STARD13: variants seen among roughly 807,000 people sequenced by gnomAD.
STARD13 encodes stAR-related lipid transfer protein 13.
Under a neutral mutation model 106.4 loss-of-function variants are expected in STARD13, and 62 were observed. The observed-to-expected ratio is 0.58, with a 90% CI of 0.48 to 0.72. The LOEUF is 0.72. Among genes scored for constraint, STARD13 ranks in the 30% least tolerant of loss-of-function variants. The pLI is 0.00. For missense variants in STARD13, 1,387 were observed against 1,424.0 expected (o/e 0.97, Z 0.42); for synonymous variants, 565 against 553.0 (o/e 1.02, Z -0.31).
In STARD13 at chr13:33,104,080, A is replaced by C. The variant is rs1392263265; in HGVS notation, c.*1513T>G. The stretch of plus-strand genomic sequence containing the variant: ...TACATAAATGCATATAATGCAAAAA[A>C]ACCTGAAAACACTCATTTGCTTTTC... On this transcript the variant is annotated 3_prime_UTR_variant, in exon 14 of 14. Transcript: ENST00000336934. 6.6e-6 allele frequency: 1 copy of C among 152,228 alleles called. No homozygotes were observed. Among genetic ancestry groups the C allele is most frequent in the African/African-American group, 2.4e-5 (1 of 41,464 alleles). The allele number at this position is 152,228 out of a possible 1,614,324, so 9.4% of individuals were successfully genotyped here.
At chr13:33,505,364 A>G in the STARD13 span, among the ~76,000 whole-genome samples, 80 of 152,314 alleles carry the variant, frequency 5.3e-4, 1 homozygote, top group African/African-American at 1.9e-3. Flanking sequence ...ATAATACAAT[A>G]AGTAATTAAA....
intron 1 of STARD13, among the ~76,000 whole-genome samples, chr13:33,234,197 C>A (rs1889073072): frequency 6.6e-6 from 1 of 152,186 alleles, no homozygotes; most frequent in East Asian, 1.9e-4. Context: ...CAAACAGATG[C>A]AGAACATCTA....
At chr13:33,604,454 A>G in the STARD13 span, among the ~76,000 whole-genome samples, 1 of 152,330 alleles carries the variant, frequency 6.6e-6, no homozygotes, top group African/African-American at 2.4e-5. Context: ...TCAATAGCAA[A>G]CTTCTCCAAA....
At chr13:33,263,347 C>T (rs974146111) in intron 1 of STARD13, among the ~76,000 whole-genome samples, 5 of 152,070 alleles carry the variant, frequency 3.3e-5, no homozygotes, top group African/African-American at 1.2e-4. Flanking sequence ...TGTAAAGGAG[C>T]CCCCTCTCCT....
chr13:33,200,699 G>A (rs1420145526), intron 1 of STARD13, among the ~76,000 whole-genome samples: 2 of 152,196 alleles, frequency 1.3e-5, no homozygotes, highest in South Asian at 2.1e-4. Context: ...TGTTGCACAT[G>A]GAACACAACT....
chr13:33,266,362 G>A (rs1890896688), intron 1 of STARD13, among the ~76,000 whole-genome samples: 1 of 152,100 alleles, frequency 6.6e-6, no homozygotes, highest in Non-Finnish European at 1.5e-5. Flanking sequence ...ATTCAGTCTG[G>A]CCACTTCAAA....
intron 1 of STARD13, among the ~76,000 whole-genome samples, chr13:33,192,104 C>T (rs1179755323): frequency 3.3e-5 from 5 of 152,200 alleles, no homozygotes; most frequent in Admixed American, 6.5e-5. Flanking sequence ...GTGTTAGGCA[C>T]ACAGTGGCAT....
chr13:33,316,336 T>C (rs112066583), intron 1 of STARD13, among the ~76,000 whole-genome samples: 12 of 152,282 alleles, frequency 7.9e-5, no homozygotes, highest in African/African-American at 2.9e-4. Context: ...GTGTTCCCAG[T>C]CATCTGGTTA....
At chr13:33,579,551 G>A in the STARD13 span, among the ~76,000 whole-genome samples, 1 of 151,842 alleles carries the variant, frequency 6.6e-6, no homozygotes, top group Non-Finnish European at 1.5e-5. Flanking sequence ...AGGGTGACAG[G>A]TGCACTAAAA....
chr13:33,324,757 C>T (rs1893678801), intron 1 of STARD13, among the ~76,000 whole-genome samples: 1 of 152,148 alleles, frequency 6.6e-6, no homozygotes, highest in African/African-American at 2.4e-5. Flanking sequence ...TATCCCAAAT[C>T]AAGAAAACCA....
chr13:33,639,658 T>C, the STARD13 span, among the ~76,000 whole-genome samples: 2 of 152,240 alleles, frequency 1.3e-5, no homozygotes, highest in Non-Finnish European at 2.9e-5. Flanking sequence ...CCTAACTGGA[T>C]GTGTAAACAG....
the STARD13 span, among the ~76,000 whole-genome samples, chr13:33,518,992 C>T: frequency 2.6e-5 from 4 of 152,058 alleles, no homozygotes; most frequent in African/African-American, 9.7e-5. Context: ...ACATCTAAAC[C>T]TCCTAGGCCC....
At chr13:33,581,928 T>G in the STARD13 span, among the ~76,000 whole-genome samples, 1 of 152,046 alleles carries the variant, frequency 6.6e-6, no homozygotes, top group Non-Finnish European at 1.5e-5. Flanking sequence ...TACCATTATA[T>G]AAACAATTAA....
chr13:33,608,446 G>A, the STARD13 span, among the ~76,000 whole-genome samples: 5 of 152,068 alleles, frequency 3.3e-5, no homozygotes, highest in African/African-American at 7.2e-5. Context: ...AAGAAAAATA[G>A]GAAGAGGGAA....
chr13:33,530,057 T>A, the STARD13 span, among the ~76,000 whole-genome samples: 1 of 151,646 alleles, frequency 6.6e-6, no homozygotes, highest in African/African-American at 2.4e-5. Flanking sequence ...AAAACATGCA[T>A]AATAATTGCT....
chr13:33,278,596 A>G (rs1891582696), intron 1 of STARD13: 1 of 152,184 alleles, frequency 6.6e-6, no homozygotes, highest in Admixed American at 6.5e-5. Flanking sequence ...GATTTGTATG[A>G]GAAATTCCTC....
chr13:33,153,123 G>A (rs1175594041), intron 3 of STARD13, among the ~76,000 whole-genome samples: 3 of 152,200 alleles, frequency 2.0e-5, no homozygotes, highest in Non-Finnish European at 4.4e-5. Context: ...ATGCCATCAA[G>A]TAATTTGAGA....
At chr13:33,413,797 C>T in the STARD13 span, among the ~76,000 whole-genome samples, 1 of 151,958 alleles carries the variant, frequency 6.6e-6, no homozygotes, top group Admixed American at 6.6e-5. Context: ...TTTGGGAGGT[C>T]GAGGCAGGCA....
the STARD13 span, among the ~76,000 whole-genome samples, chr13:33,436,280 A>C: frequency 2.5e-4 from 38 of 152,206 alleles, no homozygotes; most frequent in Non-Finnish European, 4.6e-4. Context: ...ATTTTTTTAC[A>C]ATCTTTAAAT....
Sources: allele counts gnomAD v4.1 joint callset (sites outside exome capture counted in the v4.1 genomes callset), GRCh38; gene constraint gnomAD v4.1.1; transcripts MANE v1.5; gene names NCBI Gene and HGNC (gene_info 2026-07-23, HGNC 2026-07-21).